RABGEF1: variants seen among roughly 807,000 people sequenced by gnomAD.
RABGEF1 encodes RAB guanine nucleotide exchange factor 1.
In RABGEF1, 26 loss-of-function variants were observed where a neutral mutation model predicts 57.3. The observed-to-expected ratio is 0.45, with a 90% CI of 0.33 to 0.63. The LOEUF is 0.63. Among genes scored for constraint, RABGEF1 ranks in the 20% least tolerant of loss-of-function variants. The pLI is 0.02. For synonymous variants in RABGEF1, 185 were observed against 210.7 expected, an observed-to-expected ratio of 0.88 and a Z score of 1.06; for missense variants, 464 against 607.6, an observed-to-expected ratio of 0.76 and a Z score of 2.48.
intron 1 of RABGEF1, among the ~76,000 whole-genome samples, chr7:66,699,356 G>A (rs1792861707): frequency 6.6e-6 from 1 of 152,168 alleles, no homozygotes; most frequent in Non-Finnish European, 1.5e-5. Flanking sequence ...AAGGCATTGG[G>A]CAAGGTATTG....
intron 1 of RABGEF1, among the ~76,000 whole-genome samples, chr7:66,710,397 T>G (rs1295647051): frequency 6.6e-6 from 1 of 152,224 alleles, no homozygotes; most frequent in African/African-American, 2.4e-5. Context: ...CTTCAGTAAA[T>G]AACCCAGCAG....
upstream of RABGEF1, among the ~76,000 whole-genome samples, chr7:66,680,532 C>T (rs895348644): frequency 6.6e-5 from 10 of 151,014 alleles, no homozygotes; most frequent in African/African-American, 2.2e-4. Flanking sequence ...GCGTGAGCCA[C>T]CGCACCCAGC....
chr7:66,660,130 G>C, the RABGEF1 span, among the ~76,000 whole-genome samples: 1 of 152,094 alleles, frequency 6.6e-6, no homozygotes, highest in Admixed American at 6.5e-5. Context: ...GGCGGATCAC[G>C]AGGTCAGGAG....
the RABGEF1 span, among the ~76,000 whole-genome samples, chr7:66,674,064 T>C: frequency 6.6e-6 from 1 of 152,230 alleles, no homozygotes; most frequent in African/African-American, 2.4e-5. Context: ...CACCTAGAAC[T>C]CTTCTGCATT....
chr7:66,736,818 G>A (rs1431819919), upstream of RABGEF1, among the ~76,000 whole-genome samples: 1 of 152,036 alleles, frequency 6.6e-6, no homozygotes, highest in Non-Finnish European at 1.5e-5. Context: ...CCAAGTTTGC[G>A]CCACTGCACT....
the RABGEF1 span, among the ~76,000 whole-genome samples, chr7:66,670,309 GCTTA>G: frequency 1.3e-5 from 2 of 151,948 alleles, no homozygotes; most frequent in African/African-American, 4.8e-5. Flanking sequence ...TCAGCTGGGA[GCTTA>G]CTTAAACTTT....
intron 3 of RABGEF1, among the ~76,000 whole-genome samples, chr7:66,779,685 A>C (rs1809411632): frequency 6.6e-6 from 1 of 151,608 alleles, no homozygotes; most frequent in Non-Finnish European, 1.5e-5. Flanking sequence ...AAAAAAAAAA[A>C]AACACCAAAA....
chr7:66,772,547 A>C (rs1562825843), intron 2 of RABGEF1, among the ~76,000 whole-genome samples: 2 of 152,238 alleles, frequency 1.3e-5, no homozygotes. Flanking sequence ...ATTGCATTGT[A>C]GAAATTTAAC....
chr7:66,782,465 CT>C (rs199988808), intron 3 of RABGEF1, among the ~76,000 whole-genome samples: 21,217 of 139,328 alleles, frequency 0.15, 1,582 homozygotes, highest in East Asian at 0.26. Flanking sequence ...ACATACCTTA[CT>C]TTTTTTTTTT....
intron 7 of RABGEF1, among the ~76,000 whole-genome samples, chr7:66,801,522 C>T (rs1433963787): frequency 6.6e-6 from 1 of 152,192 alleles, no homozygotes; most frequent in Non-Finnish European, 1.5e-5. Flanking sequence ...TGGCCATCCC[C>T]ACTATCCCCC....
chr7:66,672,140 T>C, the RABGEF1 span, among the ~76,000 whole-genome samples: 1 of 150,620 alleles, frequency 6.6e-6, no homozygotes, highest in African/African-American at 2.4e-5. Context: ...AAAAAAAACC[T>C]GGCCGGGCAC....
intron 1 of RABGEF1, among the ~76,000 whole-genome samples, chr7:66,690,741 T>A (rs1220436622): frequency 6.6e-6 from 1 of 151,674 alleles, no homozygotes; most frequent in African/African-American, 2.4e-5. Flanking sequence ...AAAAATTAAA[T>A]TTACAAAAAG....
At chr7:66,747,491 A>G (rs1800521526) in intron 1 of RABGEF1, among the ~76,000 whole-genome samples, 2 of 152,166 alleles carry the variant, frequency 1.3e-5, no homozygotes, top group African/African-American at 4.8e-5. Flanking sequence ...TAAATACACA[A>G]CTGTAATTGA....
rs1789320012 is a variant in RABGEF1 at position 66,810,602 on chromosome 7, A to G, written c.*1318A>G. 6.6e-6 allele frequency: 1 copy of G among 152,268 alleles called. No individual in the cohort carries two copies. The highest frequency in any genetic ancestry group is 2.4e-5 in the African/African-American group (1 of 41,482). 9.4% of individuals were successfully genotyped at this position (152,268 alleles called of 1,614,324 possible). ...GAGGCTTGACAGCTACCTGCATTGT[A>G]GAACCTTTTCTTATCTCAGTGGAAC... On this transcript the variant is annotated 3_prime_UTR_variant, in exon 9 of 9. Coordinates refer to ENST00000284957, the MANE Select transcript of RABGEF1 (RefSeq NM_014504.3).
intron 1 of RABGEF1, among the ~76,000 whole-genome samples, chr7:66,759,607 T>A (rs754796061): frequency 7.2e-5 from 11 of 152,194 alleles, no homozygotes; most frequent in Non-Finnish European, 1.3e-4. Flanking sequence ...CAGCTTCTGC[T>A]TCTAGGGTGG....
upstream of RABGEF1, among the ~76,000 whole-genome samples, chr7:66,735,902 ATC>A (rs1797892505): frequency 1.3e-5 from 2 of 152,216 alleles, no homozygotes; most frequent in South Asian, 4.1e-4. Flanking sequence ...GGCCTGTAGT[ATC>A]TCCCTCACAC....
chr7:66,681,811 T>A (rs1362657969), upstream of RABGEF1, among the ~76,000 whole-genome samples: 1 of 152,188 alleles, frequency 6.6e-6, no homozygotes, highest in Non-Finnish European at 1.5e-5. Context: ...CATTCGCGCT[T>A]CCACCGTGGC....
chr7:66,717,809 C>G lies in RABGEF1; in HGVS notation c.-815+5585C>G, dbSNP rs760782624. 3.1e-4 allele frequency among the ~76,000 whole-genome samples: 47 copies of G among 152,096 alleles called. 1 individual carries two copies. Among genetic ancestry groups the G allele is most frequent in the Non-Finnish European group, 5.9e-5 (4 of 68,022 alleles). On this transcript the variant is annotated intron_variant and NMD_transcript_variant, in intron 2 of 9. Transcript: ENST00000607882. ...TCCTGGGCTTAAGTGATCCACTCGC[C>G]TTGGCCTCCCAAAGTGCTGGGATTA...
At chr7:66,702,562 T>A (rs77531780) in intron 1 of RABGEF1, among the ~76,000 whole-genome samples, 2,224 of 152,220 alleles carry the variant, frequency 0.015, 62 homozygotes, top group East Asian at 0.093. Context: ...CACACTGTTT[T>A]TCACGGAGGC....
Sources: gnomAD v4.1 joint callset for allele counts (sites outside exome capture counted in the v4.1 genomes callset) on GRCh38, gnomAD v4.1.1 for gene constraint, MANE v1.5 for transcripts, NCBI Gene and HGNC (gene_info 2026-07-23, HGNC 2026-07-21) for gene names.